CHODL: variants seen among roughly 807,000 people sequenced by gnomAD.
The protein encoded by CHODL is transmembrane protein MT75.
Under a neutral mutation model 34.5 loss-of-function variants are expected in CHODL, and 29 were observed. The ratio of observed to expected loss-of-function variants is 0.84; its 90% CI spans 0.63 to 1.15. CHODL has a LOEUF of 1.15. Among genes scored for constraint, CHODL ranks in the 50% most tolerant of loss-of-function variants. The pLI is 0.00. For synonymous variants in CHODL, 125 were observed against 116.1 expected (o/e 1.08, Z -0.49); for missense variants, 332 against 332.5 (o/e 1.00, Z 0.01).
At chr21:17,986,736 C>G (rs745614543) in intron 1 of CHODL, among the ~76,000 whole-genome samples, 5 of 152,176 alleles carry the variant, frequency 3.3e-5, no homozygotes, top group Non-Finnish European at 7.4e-5. Flanking sequence ...GAGGAATCGC[C>G]ACACTGTCTT....
chr21:17,922,704 T>A (rs1334159447), intron 1 of CHODL, among the ~76,000 whole-genome samples: 3 of 152,166 alleles, frequency 2.0e-5, no homozygotes, highest in Admixed American at 2.0e-4. Flanking sequence ...CCTTATGAGG[T>A]CTTAGCTTTA....
intron 1 of CHODL, chr21:18,027,865 A>G (rs2064192485): frequency 6.6e-6 from 1 of 152,572 alleles, no homozygotes; most frequent in South Asian, 2.1e-4. Context: ...GTTCTCTACC[A>G]AAGGAGAATA....
At chr21:18,190,932 T>A (rs1397937289) in intron 2 of CHODL, among the ~76,000 whole-genome samples, 1 of 152,152 alleles carries the variant, frequency 6.6e-6, no homozygotes, top group African/African-American at 2.4e-5. Context: ...CTTTCGTGTC[T>A]GGAAATAAAA....
intron 2 of CHODL, among the ~76,000 whole-genome samples, chr21:18,070,568 A>T (rs1422287412): frequency 6.6e-6 from 1 of 152,188 alleles, no homozygotes; most frequent in Non-Finnish European, 1.5e-5. Context: ...GCATTATTTT[A>T]ATTACACTGG....
chr21:18,167,201 T>C (rs1157851971), intron 2 of CHODL, among the ~76,000 whole-genome samples: 1 of 135,798 alleles, frequency 7.4e-6, no homozygotes, highest in East Asian at 2.1e-4. Flanking sequence ...CCATTCCCAT[T>C]TCTCTCTCTC....
chr21:18,231,808 T>C (rs2073981714), intron 2 of CHODL, among the ~76,000 whole-genome samples: 1 of 151,750 alleles, frequency 6.6e-6, no homozygotes, highest in Non-Finnish European at 1.5e-5. Flanking sequence ...CTGTGCTTTG[T>C]ATGGGGTTAT....
At chr21:18,028,700 A>T (rs2064213080) in intron 2 of CHODL, among the ~76,000 whole-genome samples, 2 of 48,828 alleles carry the variant, frequency 4.1e-5, no homozygotes. Context: ...ACTCCATCTA[A>T]AAAAAAAAAA....
intron 1 of CHODL, among the ~76,000 whole-genome samples, chr21:17,983,116 T>G (rs2063727423): frequency 6.6e-6 from 1 of 152,194 alleles, no homozygotes; most frequent in African/African-American, 2.4e-5. Context: ...TATGTAAATT[T>G]GTAACATTCA....
chr21:18,009,825 T>C (rs2063995720), intron 1 of CHODL, among the ~76,000 whole-genome samples: 2 of 144,752 alleles, frequency 1.4e-5, no homozygotes, highest in South Asian at 2.2e-4. Context: ...GAAGCGGAGC[T>C]TGCAGTGAGC....
intron 2 of CHODL, among the ~76,000 whole-genome samples, chr21:18,110,323 G>A (rs1328977351): frequency 6.6e-6 from 1 of 152,152 alleles, no homozygotes; most frequent in Non-Finnish European, 1.5e-5. Context: ...ACTTTTCATT[G>A]AGAGGTGATT....
chr21:18,011,923 G>C (rs756897779), intron 1 of CHODL, among the ~76,000 whole-genome samples: 2 of 152,168 alleles, frequency 1.3e-5, no homozygotes, highest in African/African-American at 2.4e-5. Flanking sequence ...TTCTTTTTCA[G>C]AGAAGACTAC....
At chr21:17,974,848 G>A (rs2063647858) in intron 1 of CHODL, among the ~76,000 whole-genome samples, 1 of 150,636 alleles carries the variant, frequency 6.6e-6, no homozygotes, top group Non-Finnish European at 1.5e-5. Flanking sequence ...ACTATGTCAG[G>A]AGAATAGAGA....
At chr21:18,170,906 T>C (rs1455025894) in intron 2 of CHODL, among the ~76,000 whole-genome samples, 1 of 152,068 alleles carries the variant, frequency 6.6e-6, no homozygotes, top group Non-Finnish European at 1.5e-5. Flanking sequence ...TTTAGCATCC[T>C]TTTATTTTAG....
chr21:18,065,539 T>C (rs2064721597), intron 2 of CHODL, among the ~76,000 whole-genome samples: 1 of 152,118 alleles, frequency 6.6e-6, no homozygotes, highest in South Asian at 2.1e-4. Context: ...ACAGTATTAT[T>C]TAATAAGAAG....
chr21:18,146,654 C>T (rs1048706557), intron 2 of CHODL, among the ~76,000 whole-genome samples: 3 of 152,122 alleles, frequency 2.0e-5, no homozygotes, highest in South Asian at 4.1e-4. Flanking sequence ...TATAAATTAC[C>T]CAGTCTCAGC....
intron 1 of CHODL, among the ~76,000 whole-genome samples, chr21:17,970,211 A>G (rs1292104812): frequency 6.6e-6 from 1 of 152,096 alleles, no homozygotes; most frequent in Non-Finnish European, 1.5e-5. Context: ...GGGTGGTGGG[A>G]GTTTGGGAGC....
intron 2 of CHODL, among the ~76,000 whole-genome samples, chr21:18,028,674 G>A (rs547533377): frequency 1.4e-5 from 2 of 142,944 alleles, no homozygotes; most frequent in South Asian, 2.2e-4. Flanking sequence ...ACTCCAGCCT[G>A]GGCAACAAGA....
At chr21:17,990,278 ACT>A (rs1568833245) in intron 1 of CHODL, among the ~76,000 whole-genome samples, 1 of 151,732 alleles carries the variant, frequency 6.6e-6, no homozygotes, top group Non-Finnish European at 1.5e-5. Flanking sequence ...TCTGTCTTTG[ACT>A]CTCTGACTCT....
At chr21:18,215,427 A>G (rs530386793) in intron 2 of CHODL, among the ~76,000 whole-genome samples, 1 of 152,240 alleles carries the variant, frequency 6.6e-6, no homozygotes, top group East Asian at 1.9e-4. Context: ...AACATAGCAG[A>G]GAGATATATA....
Sources: gnomAD v4.1 joint callset for allele counts (sites outside exome capture counted in the v4.1 genomes callset) on GRCh38, gnomAD v4.1.1 for gene constraint, MANE v1.5 for transcripts, NCBI Gene and HGNC (gene_info 2026-07-23, HGNC 2026-07-21) for gene names.